The following ARHGAP39 variants were observed in gnomAD, a reference collection of about 807,000 sequenced individuals.
ARHGAP39 encodes rho GTPase-activating protein 39.
A neutral mutation model predicts 106.9 loss-of-function variants in ARHGAP39; 44 were observed. That is an observed-to-expected ratio of 0.41 (90% CI 0.32 to 0.53). The LOEUF is 0.53. Among genes scored for constraint, ARHGAP39 ranks in the 20% least tolerant of loss-of-function variants. ARHGAP39 has a pLI of 0.21. For synonymous variants in ARHGAP39, 768 were observed against 693.2 expected, an observed-to-expected ratio of 1.11 and a Z score of -1.69; for missense variants, 1,496 against 1,577.3, an observed-to-expected ratio of 0.95 and a Z score of 0.87.
chr8:144,568,966 T>C lies in ARHGAP39; in HGVS notation c.512+11880A>G, dbSNP rs113527660. ...TTACGCCTAAGCCTGACCCTAGCCA[T>C]GCAAATCATCACACTGTGTTAATGG... is the stretch of plus-strand genomic sequence containing the variant. On this transcript the variant is annotated intron_variant, in intron 3 of 11. Transcript: ENST00000377307. 5.7e-3 allele frequency among the ~76,000 whole-genome samples: 871 copies of C among 152,202 alleles called. 9 individuals are homozygous for C. Among genetic ancestry groups the C allele is most frequent in the African/African-American group, 0.016 (671 of 41,528 alleles).
chr8:144,547,526 C>A lies in ARHGAP39; in HGVS notation c.1560G>T (p.Gln520His). ...TEGPGDLLVEQPLAEEQPPCG... is the reference protein window; with the variant it reads ...TEGPGDLLVEHPLAEEQPPCG... ...ACGGGGGCTGTTCCTCGGCCAGGGG[C>A]TGCTCCACAAGCAGGTCCCCGGGGC... Residue 520 changes from glutamine to histidine, a missense_variant, in exon 5 of 12, where the codon CAG becomes CAT. Coordinates refer to ENST00000377307, the MANE Select transcript of ARHGAP39 (RefSeq NM_025251.3). The surrounding 1 kb of genome is among the most constrained non-coding windows in gnomAD (Gnocchi z 5.2). 6.7e-7 allele frequency: 1 copy of A among 1,484,088 alleles called. No homozygotes were observed. Among genetic ancestry groups the A allele is most frequent in the Non-Finnish European group, 8.9e-7 (1 of 1,120,830 alleles). The allele number at this position is 1,484,088 out of a possible 1,614,324, so 91.9% of individuals were successfully genotyped here.
rs1264086889 is a variant in ARHGAP39, at chr8:144,684,954, G to T, written c.-82+732C>A. Among the ~76,000 whole-genome samples, 1 of 152,196 alleles carries T rather than the reference G, an allele frequency of 6.6e-6. No homozygotes were observed. The highest frequency in any genetic ancestry group is 1.9e-4 in the East Asian group (1 of 5,194). On this transcript the variant is annotated intron_variant, in intron 1 of 11. Transcript: ENST00000377307. This position sits in a 1 kb window ranked among gnomAD's most constrained non-coding sequence, Gnocchi z 4.4. ...CAGCGCACCGCAGCCCTGCACCCGG[G>T]CCGCCCTTCAGGACGCGGGCACCAG...
chr8:144,684,952 G>A lies in ARHGAP39; in HGVS notation c.-82+734C>T, dbSNP rs1822539183. ...CGCAGCGCACCGCAGCCCTGCACCC[G>A]GGCCGCCCTTCAGGACGCGGGCACC... is the stretch of plus-strand genomic sequence containing the variant. On this transcript the variant is annotated intron_variant, in intron 1 of 11. Transcript: ENST00000377307. The surrounding 1 kb of genome is among the most constrained non-coding windows in gnomAD (Gnocchi z 4.4). Among the ~76,000 whole-genome samples the A allele has an allele frequency of 6.6e-6, 1 of 152,176 alleles. No individual in the cohort carries two copies.
In ARHGAP39 at chr8:144,529,747, A is replaced by T. The variant is rs1564829684; in HGVS notation, c.*675T>A. On this transcript the variant is annotated 3_prime_UTR_variant, in exon 12 of 12. Transcript: ENST00000377307. ...GATGCAGGATAGATTCTGGATTTAC[A>T]GTTACACGAAGAAAAAAATACTCTC... 1 of 152,228 alleles carries T rather than the reference A, an allele frequency of 6.6e-6. No individual in the cohort carries two copies. The highest frequency in any genetic ancestry group is 1.5e-5 in the Non-Finnish European group (1 of 68,078). The allele number at this position is 152,228 out of a possible 1,614,324, so 9.4% of individuals were successfully genotyped here. A position where few individuals can be genotyped will look rare whatever the true frequency, so the allele number is the denominator to read the frequency against.
intron 2 of ARHGAP39, among the ~76,000 whole-genome samples, chr8:144,593,106 TG>T (rs1316681615): frequency 2.0e-5 from 3 of 152,196 alleles, no homozygotes; most frequent in African/African-American, 7.2e-5. Context: ...CCCGGCGGGA[TG>T]GGCCTCTTCC....
chr8:144,691,856 G>T, the ARHGAP39 span, among the ~76,000 whole-genome samples: 1 of 151,986 alleles, frequency 6.6e-6, no homozygotes, highest in Non-Finnish European at 1.5e-5. Context: ...GCCATTAAGC[G>T]GCGGGGTGGC....
intron 2 of ARHGAP39, among the ~76,000 whole-genome samples, chr8:144,600,570 G>A (rs116759134): frequency 0.011 from 1,684 of 148,564 alleles, 27 homozygotes; most frequent in African/African-American, 0.038. Flanking sequence ...GCGTGGAGGC[G>A]TGCATGTGCA....
Position 144,635,098 on chromosome 8 carries a change from G to A in ARHGAP39, c.-81-29403C>T, listed in dbSNP as rs150078012. 4.1e-3 allele frequency among the ~76,000 whole-genome samples: 618 copies of A among 152,318 alleles called. 1 individual carries two copies. Among genetic ancestry groups the A allele is most frequent in the Non-Finnish European group, 7.6e-3 (520 of 68,034 alleles). On this transcript the variant is annotated intron_variant, in intron 1 of 11. Transcript: ENST00000377307. ...CTTGGTCTTCATCCCACCCTGGCAC[G>A]CAGCTCCTAAAATGCTTAGAATCTC...
At chr8:144,649,529 G>C (rs1821526186) in intron 1 of ARHGAP39, among the ~76,000 whole-genome samples, 1 of 152,092 alleles carries the variant, frequency 6.6e-6, no homozygotes, top group South Asian at 2.1e-4. Context: ...CAGCACTTTG[G>C]GAGGCCAAGG....
intron 1 of ARHGAP39, among the ~76,000 whole-genome samples, chr8:144,640,662 AAAC>A (rs1821288740): frequency 1.3e-5 from 2 of 152,372 alleles, no homozygotes; most frequent in Middle Eastern, 3.4e-3. Context: ...GATTTAGCAG[AAAC>A]AACAAAAAAT....
chr8:144,651,838 T>C (rs955987438), intron 1 of ARHGAP39, among the ~76,000 whole-genome samples: 1 of 152,114 alleles, frequency 6.6e-6, no homozygotes, highest in African/African-American at 2.4e-5. Context: ...AGTGCTACAG[T>C]ATCCAAAACA....
chr8:144,590,555 C>T (rs1446157822), intron 2 of ARHGAP39, among the ~76,000 whole-genome samples: 1 of 152,210 alleles, frequency 6.6e-6, no homozygotes, highest in Admixed American at 6.5e-5. Context: ...GCTTCCTCCA[C>T]AGCCTGCAGA....
At chr8:144,672,030 T>C (rs1208561489) in intron 1 of ARHGAP39, among the ~76,000 whole-genome samples, 1 of 152,228 alleles carries the variant, frequency 6.6e-6, no homozygotes, top group African/African-American at 2.4e-5. Context: ...GGACGCCGTC[T>C]GTGATTCCGG....
At chr8:144,600,419 TGA>T (rs1167088444) in intron 2 of ARHGAP39, among the ~76,000 whole-genome samples, 2 of 145,942 alleles carry the variant, frequency 1.4e-5, no homozygotes, top group Non-Finnish European at 3.0e-5. Context: ...CTTGTGTACC[TGA>T]GTGTGCGTGT....
chr8:144,530,402 C>T lies in ARHGAP39; in HGVS notation c.*20G>A. On this transcript the variant is annotated 3_prime_UTR_variant, in exon 12 of 12. Coordinates refer to ENST00000377307, the MANE Select transcript of ARHGAP39 (RefSeq NM_025251.3). ...TGGCTGGGGGCGGCAGGACATCCCT[C>T]CTGTCCCCGGGCGCCCCCGCTACAG... is the stretch of plus-strand genomic sequence containing the variant. 1 of 1,577,368 alleles carries T rather than the reference C, an allele frequency of 6.3e-7. No individual in the cohort carries two copies. The highest frequency in any genetic ancestry group is 1.3e-5 in the African/African-American group (1 of 74,074).
intron 1 of ARHGAP39, among the ~76,000 whole-genome samples, chr8:144,608,053 A>C (rs1374421425): frequency 6.7e-6 from 1 of 148,400 alleles, no homozygotes; most frequent in East Asian, 2.1e-4. Flanking sequence ...GCTACGCAGG[A>C]GGCTGAGGCA....
At chr8:144,532,266 G>A (rs778111969) in intron 10 of ARHGAP39, 39 bp downstream of exon 10, 3 of 1,599,174 alleles carry the variant, frequency 1.9e-6, no homozygotes, top group Admixed American at 1.7e-5. Context: ...CACTGCCTGA[G>A]CCAGGCCCGC....
rs1296943187 is a variant in ARHGAP39, at chr8:144,647,273, G to C, written c.-82+38413C>G. Among the ~76,000 whole-genome samples, 1 of 152,036 alleles carries C rather than the reference G, an allele frequency of 6.6e-6. No homozygotes were observed. The highest frequency in any genetic ancestry group is 2.1e-4 in the South Asian group (1 of 4,814). Reference sequence around the variant, plus strand: ...TGAGCCACTGCGCCCGGCCTGCTCTGACCCTTCTTAAAGCTCGAGCATGTG... The same window carrying C: ...TGAGCCACTGCGCCCGGCCTGCTCTCACCCTTCTTAAAGCTCGAGCATGTG... On this transcript the variant is annotated intron_variant, in intron 1 of 11. Coordinates refer to ENST00000377307, the MANE Select transcript of ARHGAP39 (RefSeq NM_025251.3). The surrounding 1 kb of genome is among the most constrained non-coding windows in gnomAD (Gnocchi z 4.8).
At chr8:144,680,900 A>G (rs1489630244) in intron 1 of ARHGAP39, among the ~76,000 whole-genome samples, 1 of 152,188 alleles carries the variant, frequency 6.6e-6, no homozygotes, top group Non-Finnish European at 1.5e-5. Context: ...ACTCAGATAT[A>G]TGATAATAAA....
Sources: gnomAD v4.1 joint callset for allele counts (sites outside exome capture counted in the v4.1 genomes callset) on GRCh38, gnomAD v4.1.1 for gene constraint, Gnocchi (gnomAD v3.1) non-coding constraint, MANE v1.5 for transcripts, NCBI Gene and HGNC (gene_info 2026-07-23, HGNC 2026-07-21) for gene names.